Variants in FAM20B observed in about 807,000 individuals in gnomAD.
FAM20B encodes the protein glycosaminoglycan xylosylkinase.
In FAM20B, 23 loss-of-function variants were observed where a neutral mutation model predicts 43.8. The observed-to-expected ratio is 0.53, with a 90% CI of 0.38 to 0.74. The LOEUF is 0.74. FAM20B is among the 30% of genes least tolerant of loss of function. The probability of loss-of-function intolerance (pLI) is 0.00; values close to 1 mark genes in which losing one functional copy is unlikely to be tolerated. For missense variants in FAM20B, 440 were observed against 510.5 expected, an observed-to-expected ratio of 0.86 and a Z score of 1.33; for synonymous variants, 178 against 192.4, an observed-to-expected ratio of 0.93 and a Z score of 0.62.
intron 1 of FAM20B, among the ~76,000 whole-genome samples, chr1:179,041,601 CAGAGGGAGACCGTGGAAAGAGAGGG>C (rs376106740): frequency 4.4e-4 from 59 of 133,782 alleles, no homozygotes; most frequent in Non-Finnish European, 6.4e-4. Context: ...GGCTCGGCAT[CAGAGGGAGACCGTGGAAAGAGAGGG>C]AGAGGGAGAC....
At chr1:179,051,442 T>G (rs140286245) in intron 3 of FAM20B, among the ~76,000 whole-genome samples, 29 of 151,866 alleles carry the variant, frequency 1.9e-4, no homozygotes, top group African/African-American at 6.0e-4. Flanking sequence ...CTGGACAACA[T>G]GGAGAAGCCC....
At chr1:179,048,304 T>G (rs1200221628) in intron 2 of FAM20B, among the ~76,000 whole-genome samples, 1 of 152,192 alleles carries the variant, frequency 6.6e-6, no homozygotes, top group Non-Finnish European at 1.5e-5. Context: ...AATTCTGATT[T>G]TCCATATTTC....
At chr1:179,031,161 A>C (rs1649992878) in intron 1 of FAM20B, among the ~76,000 whole-genome samples, 1 of 152,248 alleles carries the variant, frequency 6.6e-6, no homozygotes, top group Admixed American at 6.5e-5. Flanking sequence ...CTGAAGGAAA[A>C]TGTTATAATA....
intron 4 of FAM20B, among the ~76,000 whole-genome samples, chr1:179,061,131 T>C (rs908069807): frequency 7.0e-6 from 1 of 143,644 alleles, no homozygotes; most frequent in African/African-American, 2.6e-5. Flanking sequence ...CAGGCTGGAG[T>C]GCAGTGGCAC....
intron 6 of FAM20B, 105 bp downstream of exon 6, chr1:179,064,601 A>T (rs772828060): frequency 3.5e-6 from 3 of 861,934 alleles, no homozygotes; most frequent in Non-Finnish European, 5.3e-6. Context: ...TTGATAGGCA[A>T]CATCCTTCTT....
chr1:179,065,814 G>A (rs1651665667), intron 6 of FAM20B, among the ~76,000 whole-genome samples: 1 of 152,194 alleles, frequency 6.6e-6, no homozygotes, highest in Non-Finnish European at 1.5e-5. Flanking sequence ...TAATTCATAA[G>A]CATCAGAAAT....
At chr1:179,027,697 G>C (rs1332877509) in intron 1 of FAM20B, among the ~76,000 whole-genome samples, 1 of 152,184 alleles carries the variant, frequency 6.6e-6, no homozygotes, top group Admixed American at 6.5e-5. Flanking sequence ...AGATGATCAA[G>C]ACATCTTGGA....
chr1:179,045,515 A>G (rs1650726976), intron 2 of FAM20B, among the ~76,000 whole-genome samples: 1 of 152,224 alleles, frequency 6.6e-6, no homozygotes, highest in South Asian at 2.1e-4. Flanking sequence ...GAGCCCAGAA[A>G]TGGAAGGGAT....
intron 5 of FAM20B, 87 bp from the exon 6 acceptor site, chr1:179,064,218 G>A (rs892828524): frequency 5.3e-5 from 75 of 1,418,090 alleles, no homozygotes; most frequent in Non-Finnish European, 6.5e-5. Flanking sequence ...GGGGCAAACC[G>A]GTAGGTAGGA....
At chr1:179,046,368 T>C (rs946498949) in intron 2 of FAM20B, among the ~76,000 whole-genome samples, 1 of 152,156 alleles carries the variant, frequency 6.6e-6, no homozygotes, top group African/African-American at 2.4e-5. Flanking sequence ...TATAAAGAGA[T>C]GGCCGGGCAC....
chr1:179,040,221 A>G (rs931005469), intron 1 of FAM20B, among the ~76,000 whole-genome samples: 2 of 152,152 alleles, frequency 1.3e-5, no homozygotes, highest in East Asian at 1.9e-4. Context: ...CACTGTCATC[A>G]TGGCCCGTTC....
chr1:179,044,999 T>G (rs1230312032), intron 2 of FAM20B, among the ~76,000 whole-genome samples: 2 of 152,330 alleles, frequency 1.3e-5, no homozygotes, highest in Non-Finnish European at 2.9e-5. Flanking sequence ...TTCTAATAGA[T>G]CTCTTATTTC....
chr1:179,072,579 A>G lies in FAM20B; in HGVS notation c.*435A>G, dbSNP rs1651970690. 5.9e-6 allele frequency: 1 copy of G among 170,266 alleles called. No homozygotes were observed. The highest frequency in any genetic ancestry group is 1.6e-4 in the East Asian group (1 of 6,352). The allele number at this position is 170,266 out of a possible 1,614,324, so 10.5% of individuals were successfully genotyped here. A position where few individuals can be genotyped will look rare whatever the true frequency, so the allele number is the denominator to read the frequency against. Reference sequence around the variant, plus strand: ...TGTCTTTTTTTTTTTTACCAGAACTAGTTACATTGGAATGCTTACTGTCCT... The same window carrying G: ...TGTCTTTTTTTTTTTTACCAGAACTGGTTACATTGGAATGCTTACTGTCCT... On this transcript the variant is annotated 3_prime_UTR_variant, in exon 8 of 8. Coordinates refer to ENST00000263733, the MANE Select transcript of FAM20B (RefSeq NM_014864.4).
chr1:179,059,355 G>A (rs144047504), intron 4 of FAM20B, among the ~76,000 whole-genome samples: 9 of 152,262 alleles, frequency 5.9e-5, no homozygotes, highest in South Asian at 4.2e-4. Flanking sequence ...GCATTGCCAT[G>A]GATTGCCTCA....
intron 7 of FAM20B, among the ~76,000 whole-genome samples, chr1:179,068,703 G>A (rs1314818338): frequency 1.3e-5 from 2 of 152,142 alleles, no homozygotes; most frequent in African/African-American, 2.4e-5. Context: ...CAAACTACTG[G>A]CATTACAGGC....
intron 1 of FAM20B, 99 bp from the exon 2 acceptor site, chr1:179,043,616 A>G (rs1650635129): frequency 9.1e-6 from 4 of 438,788 alleles, no homozygotes; most frequent in Non-Finnish European, 1.6e-5. Context: ...AAGAATAGAA[A>G]GCCTAAAAGG....
intron 4 of FAM20B, among the ~76,000 whole-genome samples, chr1:179,061,077 T>A (rs1651444468): frequency 9.9e-5 from 1 of 10,140 alleles, no homozygotes; most frequent in African/African-American, 1.8e-3. Flanking sequence ...CTTTGTCGAA[T>A]TTTTTTTTTT....
At chr1:179,022,055 G>C (rs74707899), upstream of FAM20B, among the ~76,000 whole-genome samples, 557 of 152,334 alleles carry the variant, frequency 3.7e-3, 4 homozygotes, top group African/African-American at 0.013. Flanking sequence ...GCATTGACAG[G>C]GGTGCCACGT....
intron 1 of FAM20B, among the ~76,000 whole-genome samples, chr1:179,043,021 T>C (rs1650608234): frequency 6.6e-6 from 1 of 152,138 alleles, no homozygotes; most frequent in African/African-American, 2.4e-5. Context: ...GGCTTGAAGG[T>C]GGGGCTTCAC....
Sources: allele counts gnomAD v4.1 joint callset (sites outside exome capture counted in the v4.1 genomes callset), GRCh38; gene constraint gnomAD v4.1.1; transcripts MANE v1.5; gene names NCBI Gene and HGNC (gene_info 2026-07-23, HGNC 2026-07-21).